TMEM178B: variants seen among roughly 807,000 people sequenced by gnomAD.
TMEM178B encodes the protein transmembrane protein 178B.
In TMEM178B, 5 loss-of-function variants were observed where a neutral mutation model predicts 31.0. The ratio of observed to expected loss-of-function variants is 0.16; its 90% confidence interval spans 0.08 to 0.34. TMEM178B has a LOEUF of 0.34. Among genes scored for constraint, TMEM178B ranks in the 10% least tolerant of loss-of-function variants. The pLI, the probability that TMEM178B is intolerant of heterozygous loss-of-function variation, is 1.00. For synonymous variants in TMEM178B, 164 were observed against 164.0 expected, an observed-to-expected ratio of 1.00 and a Z score of 0.00; for missense variants, 275 against 400.3, an observed-to-expected ratio of 0.69 and a Z score of 2.67.
chr7:141,229,841 A>G (rs1225477685), intron 2 of TMEM178B, among the ~76,000 whole-genome samples: 1 of 152,162 alleles, frequency 6.6e-6, no homozygotes, highest in Non-Finnish European at 1.5e-5. Context: ...TCCCCACGGT[A>G]CACCAGCCTG....
At chr7:141,087,210 C>T (rs752437502) in intron 1 of TMEM178B, among the ~76,000 whole-genome samples, 13 of 152,148 alleles carry the variant, frequency 8.5e-5, no homozygotes, top group Non-Finnish European at 1.3e-4. Flanking sequence ...TAAGTAGGAA[C>T]AAGAAGCATT....
At chr7:141,254,095 A>G (rs1241278272) in intron 2 of TMEM178B, among the ~76,000 whole-genome samples, 1 of 152,224 alleles carries the variant, frequency 6.6e-6, no homozygotes, top group African/African-American at 2.4e-5. Context: ...TCTGATAGTA[A>G]AGTAGAAGAG....
At chr7:141,141,635 C>T (rs1158587748) in intron 1 of TMEM178B, among the ~76,000 whole-genome samples, 3 of 152,230 alleles carry the variant, frequency 2.0e-5, no homozygotes, top group Admixed American at 1.3e-4. Context: ...ATAGCTGGCC[C>T]TCAATCAACA....
At chr7:141,464,336 C>T (rs1184547322) in intron 3 of TMEM178B, among the ~76,000 whole-genome samples, 1 of 152,172 alleles carries the variant, frequency 6.6e-6, no homozygotes, top group African/African-American at 2.4e-5. Context: ...GACTCACGCT[C>T]TTCCTAGAGA....
intron 1 of TMEM178B, among the ~76,000 whole-genome samples, chr7:141,134,821 T>A (rs1374075122): frequency 6.6e-6 from 1 of 152,172 alleles, no homozygotes; most frequent in Non-Finnish European, 1.5e-5. Flanking sequence ...AGTGGAGGGA[T>A]GGAAAAAGAT....
At chr7:141,402,716 G>A (rs2116622051) in intron 2 of TMEM178B, among the ~76,000 whole-genome samples, 1 of 152,318 alleles carries the variant, frequency 6.6e-6, no homozygotes, top group Admixed American at 6.5e-5. Flanking sequence ...GGCTAGTTTG[G>A]GTCTGTAATT....
At chr7:141,261,853 C>T (rs1798018782) in intron 2 of TMEM178B, among the ~76,000 whole-genome samples, 1 of 152,150 alleles carries the variant, frequency 6.6e-6, no homozygotes, top group Non-Finnish European at 1.5e-5. Flanking sequence ...GGAAATTACT[C>T]ATTTTGCACC....
rs1451905993 is a variant in TMEM178B at position 141,476,967 on chromosome 7, G to A, written c.*6181G>A. The A allele has an allele frequency of 6.5e-6, 1 of 154,814 alleles. No individual in the cohort carries two copies. Among genetic ancestry groups the A allele is most frequent in the Non-Finnish European group, 1.5e-5 (1 of 68,248 alleles). 9.6% of individuals were successfully genotyped at this position (154,814 alleles called of 1,614,324 possible). ...AGTTCGAAGAAGCTGGCATCTCTTTGGCAAACACCAACCTCAGCAAATGCA... is the reference window on the plus strand; with the variant it reads ...AGTTCGAAGAAGCTGGCATCTCTTTAGCAAACACCAACCTCAGCAAATGCA... On this transcript the variant is annotated 3_prime_UTR_variant, in exon 4 of 4. Coordinates refer to ENST00000565468, the MANE Select transcript of TMEM178B (RefSeq NM_001195278.2).
the TMEM178B span, among the ~76,000 whole-genome samples, chr7:141,496,669 CA>C: frequency 0.024 from 782 of 33,262 alleles, 1 homozygote; most frequent in Non-Finnish European, 0.031. Context: ...GACTCCGTCT[CA>C]AAAAAAAAAA....
chr7:141,086,111 C>T (rs1794783609), intron 1 of TMEM178B, among the ~76,000 whole-genome samples: 1 of 152,096 alleles, frequency 6.6e-6, no homozygotes, highest in South Asian at 2.1e-4. Flanking sequence ...ATCTTGCTCA[C>T]TGCAACCTCC....
rs559381151 is a variant in TMEM178B at position 141,449,124 on chromosome 7, C to T, written c.634+11379C>T. Among the ~76,000 whole-genome samples the T allele has an allele frequency of 9.2e-5, 14 of 152,240 alleles. No individual in the cohort carries two copies. The South Asian group carries it at 2.1e-3, about 23-fold the overall frequency. On this transcript the variant is annotated intron_variant, in intron 3 of 3. Coordinates refer to ENST00000565468, the MANE Select transcript of TMEM178B (RefSeq NM_001195278.2). The stretch of plus-strand genomic sequence containing the variant: ...AAGTAATTTCAAAAGTCTCCCTCTC[C>T]GTGGCTCTTCTGGGATGCTCTTACA...
At chr7:141,382,468 TAC>T (rs781324063) in intron 2 of TMEM178B, among the ~76,000 whole-genome samples, 3 of 152,220 alleles carry the variant, frequency 2.0e-5, no homozygotes, top group Non-Finnish European at 4.4e-5. Flanking sequence ...CCTCATAAAT[TAC>T]AGTTTCTGCA....
chr7:141,077,048 T>A (rs780944140), intron 1 of TMEM178B, among the ~76,000 whole-genome samples: 1 of 152,230 alleles, frequency 6.6e-6, no homozygotes, highest in Non-Finnish European at 1.5e-5. Context: ...TGGAAATAAG[T>A]GCATGTTATA....
At chr7:141,383,658 G>A (rs1161911019) in intron 2 of TMEM178B, among the ~76,000 whole-genome samples, 1 of 152,128 alleles carries the variant, frequency 6.6e-6, no homozygotes, top group Non-Finnish European at 1.5e-5. Flanking sequence ...TTGCTATTGT[G>A]AATAGTGCCA....
chr7:141,075,695 G>T (rs796381305), intron 1 of TMEM178B, among the ~76,000 whole-genome samples: 3 of 152,252 alleles, frequency 2.0e-5, no homozygotes, highest in East Asian at 3.9e-4. Flanking sequence ...TATGAGTCTG[G>T]TTTTTTTCCC....
intron 2 of TMEM178B, among the ~76,000 whole-genome samples, chr7:141,315,538 C>T (rs1198124966): frequency 1.3e-5 from 2 of 152,196 alleles, no homozygotes; most frequent in Non-Finnish European, 2.9e-5. Context: ...GATCTATTTT[C>T]TCATGAAACT....
rs1799793099 is a variant in TMEM178B, at chr7:141,354,917, C to G, written c.497-82691C>G. Among the ~76,000 whole-genome samples, 5 of 152,204 alleles carry G rather than the reference C, an allele frequency of 3.3e-5. No homozygotes were observed. The South Asian group carries it at 1.0e-3, about 32-fold the overall frequency. ...AACTGATTTTGAATATCCTGTTTAGCAAAATGTTTCAGAGATTCTAGCTGC... is the reference window on the plus strand; with the variant it reads ...AACTGATTTTGAATATCCTGTTTAGGAAAATGTTTCAGAGATTCTAGCTGC... On this transcript the variant is annotated intron_variant, in intron 2 of 3. Coordinates refer to ENST00000565468, the MANE Select transcript of TMEM178B (RefSeq NM_001195278.2).
At chr7:141,292,634 C>CTTTTTTTTTTTT (rs34248650) in intron 2 of TMEM178B, among the ~76,000 whole-genome samples, 2 of 106,136 alleles carry the variant, frequency 1.9e-5, no homozygotes, top group East Asian at 3.2e-4. Flanking sequence ...GCTTTTAGAT[C>CTTTTTTTTTTTT]TTTTTTTTTT....
chr7:141,370,498 C>T (rs770120557), intron 2 of TMEM178B, among the ~76,000 whole-genome samples: 5 of 152,306 alleles, frequency 3.3e-5, no homozygotes, highest in African/African-American at 4.8e-5. Flanking sequence ...TTGGGTAAAA[C>T]AACGTGTGAT....
Sources: gnomAD v4.1 joint callset for allele counts (sites outside exome capture counted in the v4.1 genomes callset) on GRCh38, gnomAD v4.1.1 for gene constraint, MANE v1.5 for transcripts, NCBI Gene and HGNC (gene_info 2026-07-23, HGNC 2026-07-21) for gene names.